Variants in SPMIP10 observed in about 807,000 individuals in gnomAD.
SPMIP10 encodes sperm-associated microtubule inner protein 10.
At chr5:126,631,813 G>C in the SPMIP10 span, 57 of 1,599,506 alleles carry the variant, frequency 3.6e-5, no homozygotes, top group African/African-American at 5.4e-5. Context: ...CTATAAATCT[G>C]CTAATAAGTA....
chr5:126,635,372 T>C, the SPMIP10 span, among the ~76,000 whole-genome samples: 1 of 152,098 alleles, frequency 6.6e-6, no homozygotes, highest in Non-Finnish European at 1.5e-5. Context: ...TTTGATACTT[T>C]GTAGTTGGCA....
chr5:126,633,024 T>TATATATATATATATATATATATAA, the SPMIP10 span, among the ~76,000 whole-genome samples: 839 of 138,632 alleles, frequency 6.1e-3, 27 homozygotes, highest in African/African-American at 0.024. Flanking sequence ...TATATATATA[T>TATATATATATATATATATATATAA]ATATATATAA....
At chr5:126,634,165 C>G in the SPMIP10 span, among the ~76,000 whole-genome samples, 2 of 152,180 alleles carry the variant, frequency 1.3e-5, no homozygotes, top group Admixed American at 6.5e-5. Context: ...GGCGTGGTGG[C>G]TCATGCCTGT....
chr5:126,632,508 T>A, the SPMIP10 span: 26 of 1,143,898 alleles, frequency 2.3e-5, no homozygotes, highest in Non-Finnish European at 3.1e-5. Flanking sequence ...TGATTGTATT[T>A]GGCTCACAAG....
the SPMIP10 span, among the ~76,000 whole-genome samples, chr5:126,634,631 G>A: frequency 6.6e-6 from 1 of 152,048 alleles, no homozygotes; most frequent in African/African-American, 2.4e-5. Context: ...TGTTTTGATT[G>A]CATCAAAACA....
At chr5:126,632,944 G>A in the SPMIP10 span, among the ~76,000 whole-genome samples, 82 of 149,782 alleles carry the variant, frequency 5.5e-4, no homozygotes, top group Middle Eastern at 3.5e-3. Context: ...CCAAGATTGC[G>A]CCACTGCAAT....
chr5:126,634,000 A>G, the SPMIP10 span, among the ~76,000 whole-genome samples: 1 of 152,182 alleles, frequency 6.6e-6, no homozygotes. Context: ...TACTATAGGT[A>G]AAATGCCGCA....
the SPMIP10 span, among the ~76,000 whole-genome samples, chr5:126,633,008 C>CATATAT: frequency 9.9e-3 from 1,246 of 125,308 alleles, 35 homozygotes; most frequent in Middle Eastern, 0.041. Context: ...ATAAATTTTA[C>CATATAT]ATATATATAT....
chr5:126,632,584 A>G, the SPMIP10 span: 1 of 1,612,252 alleles, frequency 6.2e-7, no homozygotes, highest in East Asian at 2.2e-5. Flanking sequence ...TCATTAAAGC[A>G]AGGGATGATC....
chr5:126,634,268 C>T, the SPMIP10 span, among the ~76,000 whole-genome samples: 1 of 152,052 alleles, frequency 6.6e-6, no homozygotes, highest in Non-Finnish European at 1.5e-5. Context: ...CCCATCTCTA[C>T]TAAAAATACA....
At chr5:126,632,153 G>A in the SPMIP10 span, among the ~76,000 whole-genome samples, 2 of 147,632 alleles carry the variant, frequency 1.4e-5, no homozygotes, top group Non-Finnish European at 3.0e-5. Flanking sequence ...AATGTCAACA[G>A]TTTGAGAGGC....
At chr5:126,632,955 C>G in the SPMIP10 span, among the ~76,000 whole-genome samples, 13 of 146,560 alleles carry the variant, frequency 8.9e-5, no homozygotes, top group Admixed American at 2.7e-4. Flanking sequence ...CCACTGCAAT[C>G]TAGCCTGGGC....
the SPMIP10 span, chr5:126,632,385 A>T: frequency 1.8e-6 from 1 of 545,660 alleles, no homozygotes; most frequent in African/African-American, 1.9e-5. Flanking sequence ...ATACATGGGT[A>T]CTTAAATGGT....
chr5:126,632,249 C>T, the SPMIP10 span, among the ~76,000 whole-genome samples: 1 of 101,034 alleles, frequency 9.9e-6, no homozygotes, highest in Non-Finnish European at 1.8e-5. Flanking sequence ...ATAATGCACT[C>T]CATCTCATTA....
the SPMIP10 span, among the ~76,000 whole-genome samples, chr5:126,631,976 C>G: frequency 5.9e-5 from 9 of 152,036 alleles, no homozygotes; most frequent in African/African-American, 2.2e-4. Flanking sequence ...GCAAATCTGA[C>G]CTGAGTGTAG....
chr5:126,632,707 G>A, the SPMIP10 span: 1 of 1,061,332 alleles, frequency 9.4e-7, no homozygotes, highest in Non-Finnish European at 1.4e-6. Flanking sequence ...AAAACATTAA[G>A]CCGGATGCGG....
At chr5:126,634,375 A>G in the SPMIP10 span, among the ~76,000 whole-genome samples, 1 of 152,184 alleles carries the variant, frequency 6.6e-6, no homozygotes, top group Non-Finnish European at 1.5e-5. Context: ...CACTGCAGCA[A>G]GCCAGATCAC....
At chr5:126,632,853 G>T in the SPMIP10 span, among the ~76,000 whole-genome samples, 1 of 151,864 alleles carries the variant, frequency 6.6e-6, no homozygotes, top group Admixed American at 6.6e-5. Context: ...TGGGCATGGT[G>T]GCGGGCAGTT....
the SPMIP10 span, among the ~76,000 whole-genome samples, chr5:126,635,183 T>TATATATATATAC: frequency 6.7e-6 from 1 of 149,934 alleles, no homozygotes; most frequent in Non-Finnish European, 1.5e-5. Flanking sequence ...TATATATATA[T>TATATATATATAC]ATATATATAT....
Sources: allele counts gnomAD v4.1 joint callset (sites outside exome capture counted in the v4.1 genomes callset), GRCh38; gene constraint gnomAD v4.1.1; transcripts MANE v1.5; gene names NCBI Gene and HGNC (gene_info 2026-07-23, HGNC 2026-07-21).